ITIH2: variants seen among roughly 807,000 people sequenced by gnomAD.
ITIH2 encodes the protein inter-alpha-trypsin inhibitor heavy chain 2.
In ITIH2, 103 loss-of-function variants were observed where a neutral mutation model predicts 104.4. That is an observed-to-expected ratio of 0.99 (90% confidence interval 0.84 to 1.16). The LOEUF is 1.16. ITIH2 is among the 50% of genes most tolerant of loss of function. The pLI, the probability that ITIH2 is intolerant of heterozygous loss-of-function variation, is 0.00. For missense variants in ITIH2, 1,108 were observed against 1,162.4 expected (o/e 0.95, Z 0.68); for synonymous variants, 436 against 435.4 (o/e 1.00, Z -0.02).
intron 7 of ITIH2, among the ~76,000 whole-genome samples, chr10:7,721,383 C>T (rs972750324): frequency 2.0e-5 from 3 of 152,312 alleles, no homozygotes; most frequent in Admixed American, 6.5e-5. Flanking sequence ...TTCCAAAGCA[C>T]ATAGTCAGCC....
intron 11 of ITIH2, among the ~76,000 whole-genome samples, chr10:7,728,892 A>C (rs1325729051): frequency 6.6e-6 from 1 of 152,206 alleles, no homozygotes; most frequent in African/African-American, 2.4e-5. Context: ...CATCTTATTA[A>C]TAACGAGACT....
chr10:7,722,562 G>A (rs910106354), intron 8 of ITIH2, among the ~76,000 whole-genome samples: 4 of 152,038 alleles, frequency 2.6e-5, no homozygotes, highest in African/African-American at 7.3e-5. Flanking sequence ...TGGATTCTAC[G>A]GCCCCATCTT....
intron 4 of ITIH2, among the ~76,000 whole-genome samples, chr10:7,712,886 C>T (rs941509600): frequency 6.6e-6 from 1 of 152,064 alleles, no homozygotes; most frequent in Non-Finnish European, 1.5e-5. Flanking sequence ...TTTGGGAGGC[C>T]AAGCCAGGTG....
chr10:7,719,590 C>G (rs560977094), intron 6 of ITIH2, among the ~76,000 whole-genome samples: 8 of 151,724 alleles, frequency 5.3e-5, no homozygotes, highest in African/African-American at 1.4e-4. Context: ...TACCTCACCT[C>G]TACTGAAAAT....
chr10:7,707,717 T>C (rs1183477876), intron 3 of ITIH2, among the ~76,000 whole-genome samples: 2 of 151,976 alleles, frequency 1.3e-5, no homozygotes, highest in African/African-American at 4.8e-5. Context: ...GGCATATGTC[T>C]CCTCGCCCAG....
At chr10:7,716,852 G>C (rs113108817) in intron 5 of ITIH2, among the ~76,000 whole-genome samples, 1 of 151,992 alleles carries the variant, frequency 6.6e-6, no homozygotes, top group Non-Finnish European at 1.5e-5. Flanking sequence ...ATGCAGTATG[G>C]GAAGAGTGTT....
intron 3 of ITIH2, 88 bp downstream of exon 3, chr10:7,707,321 T>C (rs1834756819): frequency 1.1e-6 from 1 of 948,314 alleles, no homozygotes; most frequent in Non-Finnish European, 1.7e-6. Flanking sequence ...TTTTTCTTCA[T>C]CACCGAGTAT....
At chr10:7,710,514 A>G (rs1490003761) in intron 4 of ITIH2, among the ~76,000 whole-genome samples, 1 of 152,180 alleles carries the variant, frequency 6.6e-6, no homozygotes, top group East Asian at 1.9e-4. Context: ...AGTACTGTGC[A>G]TAAAGTCTGG....
chr10:7,705,264 T>C, intron 2 of ITIH2, 82 bp downstream of exon 2: 1 of 967,634 alleles, frequency 1.0e-6, no homozygotes, highest in South Asian at 1.4e-5. Flanking sequence ...AGATGCCTTC[T>C]GCTAGATTTT....
At chr10:7,713,025 C>A (rs1588450840) in intron 4 of ITIH2, among the ~76,000 whole-genome samples, 156 bp from the exon 5 acceptor site, 1 of 152,026 alleles carries the variant, frequency 6.6e-6, no homozygotes, top group East Asian at 1.9e-4. Flanking sequence ...GGGGCTGAAG[C>A]AGGAGAATTG....
intron 11 of ITIH2, among the ~76,000 whole-genome samples, chr10:7,728,471 T>C (rs528974308): frequency 1.3e-4 from 20 of 152,200 alleles, no homozygotes; most frequent in African/African-American, 4.8e-4. Context: ...AGCCTCAACC[T>C]CCCATGCTCA....
At chr10:7,743,104 C>G (rs746021470) in intron 16 of ITIH2, 42 bp from the exon 17 acceptor site, 1 of 927,472 alleles carries the variant, frequency 1.1e-6, no homozygotes, top group Non-Finnish European at 1.7e-6. Context: ...AATCATCTTC[C>G]TTTTAATGAT....
Position 7,705,096 on chromosome 10 carries a change from AT to A in ITIH2, c.85-4del, listed in dbSNP as rs1349481901. Reference sequence around the variant, plus strand: ...TAAAAAAAAAAAAGTTAAAATCCTAATTTTTTTTAAGTTTGTAGACTATGAA... The same window carrying A: ...TAAAAAAAAAAAAGTTAAAATCCTAATTTTTTTAAGTTTGTAGACTATGAA... On this transcript the variant is annotated splice_polypyrimidine_tract_variant and intron_variant, in intron 1 of 20. Transcript: ENST00000358415. 2.8e-5 allele frequency: 44 copies of A among 1,562,154 alleles called. No homozygotes were observed. The highest frequency in any genetic ancestry group is 4.7e-5 in the South Asian group (4 of 84,646).
chr10:7,730,231 A>G, intron 12 of ITIH2, 98 bp downstream of exon 12: 4 of 901,014 alleles, frequency 4.4e-6, no homozygotes, highest in Non-Finnish European at 6.8e-6. Context: ...TTAACTCAAA[A>G]TGGTCATGAT....
chr10:7,709,670 A>AACTCACT (rs1054656909), intron 4 of ITIH2, among the ~76,000 whole-genome samples: 2 of 152,134 alleles, frequency 1.3e-5, no homozygotes, highest in African/African-American at 4.8e-5. Flanking sequence ...CTTGATGATA[A>AACTCACT]ACTCACTTTT....
chr10:7,719,816 A>G (rs971620085), intron 6 of ITIH2, among the ~76,000 whole-genome samples: 1 of 149,816 alleles, frequency 6.7e-6, no homozygotes, highest in Non-Finnish European at 1.5e-5. Flanking sequence ...GCAGCTAAGT[A>G]ACTCAGAAAC....
intron 10 of ITIH2, 41 bp from the exon 11 acceptor site, chr10:7,727,662 C>G (rs373326533): frequency 3.1e-6 from 5 of 1,604,614 alleles, no homozygotes; most frequent in Non-Finnish European, 3.4e-6. Context: ...CTGCGTGTGG[C>G]GAGAACGCAT....
intron 14 of ITIH2, 119 bp from the exon 15 acceptor site, chr10:7,734,803 G>A (rs1166258753): frequency 2.9e-5 from 22 of 755,822 alleles, no homozygotes; most frequent in Non-Finnish European, 4.7e-5. Context: ...GTTACTTTGC[G>A]GCTCCGCCCC....
chr10:7,739,463 C>G (rs1220111554), intron 16 of ITIH2, among the ~76,000 whole-genome samples: 2 of 152,186 alleles, frequency 1.3e-5, no homozygotes, highest in Admixed American at 6.6e-5. Flanking sequence ...AATTGTGCGG[C>G]TTTCTTGACT....
Sources: gnomAD v4.1 joint callset for allele counts (sites outside exome capture counted in the v4.1 genomes callset) on GRCh38, gnomAD v4.1.1 for gene constraint, MANE v1.5 for transcripts, NCBI Gene and HGNC (gene_info 2026-07-23, HGNC 2026-07-21) for gene names.